Variants in VPS35L observed in about 807,000 individuals in gnomAD.
VPS35L encodes VPS35 endosomal protein sorting factor like, also known as VPS35 endosomal protein-sorting factor-like.
VPS35L carries 83 observed loss-of-function variants against 133.0 expected under a neutral mutation model. That is an observed-to-expected ratio of 0.62 (90% CI 0.52 to 0.75). The LOEUF (loss-of-function observed/expected upper bound fraction) is 0.75, where lower values mean the gene tolerates loss of function less well. Ranked by LOEUF, VPS35L falls within the 30% of genes least tolerant of loss-of-function variation. The pLI, the probability that VPS35L is intolerant of heterozygous loss-of-function variation, is 0.00. For missense variants in VPS35L, 1,083 were observed against 1,206.8 expected, an observed-to-expected ratio of 0.90 and a Z score of 1.52; for synonymous variants, 423 against 449.9, an observed-to-expected ratio of 0.94 and a Z score of 0.76.
At chr16:19,636,839 C>T (rs142057591) in intron 19 of VPS35L, among the ~76,000 whole-genome samples, 1 of 152,292 alleles carries the variant, frequency 6.6e-6, no homozygotes, top group African/African-American at 2.4e-5. Context: ...CTGTGCATCG[C>T]AGAGTGAGGG....
rs1973814227 is a variant in VPS35L at position 19,642,410 on chromosome 16, C to T, written c.1799C>T (p.Pro600Leu). Residue 600 changes from proline to leucine, a missense_variant, in exon 22 of 31, where the codon CCC becomes CTC. Pro to Leu is a moderately conservative substitution (Grantham distance 98, BLOSUM62 -3). Transcript: ENST00000417362. ...ATGTCTCCTAGGCATCAACAAGAGC[C>T]CACCAAGGACCCGGTCATCTTGAAT... The part of the protein sequence containing the change: ...MDAFIKHQQE[P>L]TKDPVILNAL... 4 of 1,613,564 alleles carry T rather than the reference C, an allele frequency of 2.5e-6. No individual in the cohort carries two copies. The Admixed American group carries it at 5.0e-5, about 20-fold the overall frequency.
chr16:19,660,432 T>TTGGATTGA (rs879554875), intron 26 of VPS35L, among the ~76,000 whole-genome samples: 15 of 152,128 alleles, frequency 9.9e-5, no homozygotes, highest in African/African-American at 3.6e-4. Flanking sequence ...AGGAGGGTAG[T>TTGGATTGA]TGGATTGATG....
intron 3 of VPS35L, among the ~76,000 whole-genome samples, chr16:19,570,868 TATATA>T (rs1971350463): frequency 1.2e-5 from 1 of 85,412 alleles, no homozygotes; most frequent in African/African-American, 5.5e-5. Context: ...TATATATATA[TATATA>T]TATATATATA....
intron 5 of VPS35L, chr16:19,578,423 T>C (rs939745115): frequency 4.9e-6 from 2 of 410,350 alleles, no homozygotes. Flanking sequence ...GGGGGAAGGA[T>C]TCTGAAATAG....
At chr16:19,600,362 T>C (rs994815086) in intron 8 of VPS35L, among the ~76,000 whole-genome samples, 1 of 152,188 alleles carries the variant, frequency 6.6e-6, no homozygotes, top group Non-Finnish European at 1.5e-5. Flanking sequence ...TTCCACATAT[T>C]GATAACATTT....
chr16:19,671,883 T>C lies in VPS35L; in HGVS notation c.2361+2584T>C, dbSNP rs151111047. 2.4e-3 allele frequency among the ~76,000 whole-genome samples: 365 copies of C among 152,338 alleles called. 2 individuals carry two copies. Among genetic ancestry groups the C allele is most frequent in the African/African-American group, 8.0e-3 (333 of 41,578 alleles). On this transcript the variant is annotated intron_variant, in intron 27 of 30. Coordinates refer to ENST00000417362, the MANE Select transcript of VPS35L (RefSeq NM_020314.7). ...CACCGCTGGTAGAGCTTAATGTGCA[T>C]GGGAATCTCAGACTCTTGTTAAAAT...
At chr16:19,628,462 G>C (rs967238971) in intron 16 of VPS35L, among the ~76,000 whole-genome samples, 175 bp from the exon 17 acceptor site, 14 of 152,212 alleles carry the variant, frequency 9.2e-5, no homozygotes, top group African/African-American at 2.9e-4. Flanking sequence ...AACTCTGTGT[G>C]AGCCTCTCAG....
At chr16:19,640,144 C>G in intron 21 of VPS35L, 44 bp downstream of exon 21, 1 of 1,533,126 alleles carries the variant, frequency 6.5e-7, no homozygotes, top group Non-Finnish European at 9.0e-7. Context: ...TCCCAATGTC[C>G]TTGTGAAACC....
Position 19,639,989 on chromosome 16 carries a change from A to T in VPS35L, c.1699-26A>T. 6.3e-7 allele frequency: 1 copy of T among 1,582,842 alleles called. No individual in the cohort carries two copies. The highest frequency in any genetic ancestry group is 8.7e-7 in the Non-Finnish European group (1 of 1,151,956). ...CCTTCCAATAACTTGTGTCATTTGC[A>T]TATAGAGTGCTTGCTTTATTTATAG... is the stretch of plus-strand genomic sequence containing the variant. On this transcript the variant is annotated intron_variant, in intron 20 of 30. Coordinates refer to ENST00000417362, the MANE Select transcript of VPS35L (RefSeq NM_020314.7). This position sits in a 1 kb window ranked among gnomAD's most constrained non-coding sequence, Gnocchi z 4.1.
intron 12 of VPS35L, among the ~76,000 whole-genome samples, chr16:19,614,318 A>G (rs1057442546): frequency 6.6e-6 from 1 of 152,186 alleles, no homozygotes; most frequent in Non-Finnish European, 1.5e-5. Context: ...CTTGGAATTT[A>G]ACACCCTGGT....
In VPS35L at chr16:19,564,934, C is replaced by A; in HGVS notation, c.101C>A (p.Pro34His). 1 of 1,609,134 alleles carries A rather than the reference C, an allele frequency of 6.2e-7. No homozygotes were observed. Among genetic ancestry groups the A allele is most frequent in the Non-Finnish European group, 8.5e-7 (1 of 1,175,596 alleles). Residue 34 changes from proline (P) to histidine (H), a missense_variant, in exon 2 of 31, where the codon CCT becomes CAT. Coordinates refer to ENST00000417362, the MANE Select transcript of VPS35L (RefSeq NM_020314.7). ...AVPLEFGDYHPLKPITVTESK... is the reference protein window; with the variant it reads ...AVPLEFGDYHHLKPITVTESK... ...CCATTGGAGTTTGGGGACTATCACC[C>A]TCTGAAACCCATAACTGTAAGTTTT... is the stretch of plus-strand genomic sequence containing the variant.
intron 26 of VPS35L, among the ~76,000 whole-genome samples, chr16:19,657,086 C>T (rs1974330607): frequency 6.6e-6 from 1 of 151,508 alleles, no homozygotes; most frequent in Non-Finnish European, 1.5e-5. Context: ...CTGCTTCAGC[C>T]TCCCAAATAG....
chr16:19,588,092 G>C (rs1030243707), intron 7 of VPS35L, among the ~76,000 whole-genome samples: 2 of 151,596 alleles, frequency 1.3e-5, no homozygotes, highest in East Asian at 2.0e-4. Context: ...GAGCCACTGC[G>C]CCTGGCCAGT....
intron 12 of VPS35L, among the ~76,000 whole-genome samples, chr16:19,613,702 G>A (rs1175157405): frequency 6.6e-6 from 1 of 152,174 alleles, no homozygotes; most frequent in Non-Finnish European, 1.5e-5. Flanking sequence ...GACTAGTCAC[G>A]TGGCCATGGG....
rs750015755 is a variant in VPS35L, at chr16:19,610,388, G to T, written c.996G>T (p.Ser332=). ...GAGGGATCGGAGACCCACTAGTGTC[G>T]GTGTATGCCCGTGCCTACCTGTGCC... ...MIRGIGDPLV[S]VYARAYLCRV... The change falls in exon 12 of 31, where the codon TCG becomes TCT. Residue 332 remains serine, a synonymous_variant. Transcript: ENST00000417362. 3 of 1,614,056 alleles carry T rather than the reference G, an allele frequency of 1.9e-6. No homozygotes were observed. Among genetic ancestry groups the T allele is most frequent in the South Asian group, 1.1e-5 (1 of 91,064 alleles).
chr16:19,589,339 G>A (rs1971968699), intron 7 of VPS35L, among the ~76,000 whole-genome samples: 2 of 152,126 alleles, frequency 1.3e-5, no homozygotes, highest in South Asian at 2.1e-4. Context: ...TGCTTCCCTC[G>A]CTCAAGTGAT....
At position 19,640,047 on chromosome 16, in the gene VPS35L, A is replaced by G. The variant is rs140669263; in HGVS notation, c.1731A>G (p.Gln577=). 5.3e-5 allele frequency: 86 copies of G among 1,614,062 alleles called. No individual in the cohort carries two copies. In the African/African-American group the frequency reaches 9.7e-4, roughly 18 times the overall value. Residue 577 remains glutamine, a synonymous_variant, in exon 21 of 31, where the codon CAA becomes CAG. Coordinates refer to ENST00000417362, the MANE Select transcript of VPS35L (RefSeq NM_020314.7). ...EKFLPFLDMF[Q]KESVRVEVCK... ...TTCTGCCGTTTCTGGACATGTTCCA[A>G]AAAGAGAGTGTGCGGGTGGAGGTTT...
chr16:19,668,067 GAC>G (rs1974754430), intron 26 of VPS35L, among the ~76,000 whole-genome samples: 1 of 152,046 alleles, frequency 6.6e-6, no homozygotes, highest in Non-Finnish European at 1.5e-5. Context: ...TCCATCTTCA[GAC>G]ACATACTCTT....
chr16:19,590,309 G>T (rs12325023), intron 7 of VPS35L, among the ~76,000 whole-genome samples: 37,291 of 151,982 alleles, frequency 0.25, 5,959 homozygotes, highest in Non-Finnish European at 0.35. Context: ...CCTATCTCTT[G>T]ACATGGTGAA....
Sources: gnomAD v4.1 joint callset for allele counts (sites outside exome capture counted in the v4.1 genomes callset) on GRCh38, gnomAD v4.1.1 for gene constraint, Gnocchi (gnomAD v3.1) non-coding constraint, MANE v1.5 for transcripts, NCBI Gene and HGNC (gene_info 2026-07-23, HGNC 2026-07-21) for gene names.